The following NR6A1 variants were observed in gnomAD, a reference collection of about 807,000 sequenced individuals.
NR6A1 encodes nuclear receptor subfamily 6 group A member 1.
NR6A1 carries 7 observed loss-of-function variants against 59.1 expected under a neutral mutation model. That is an observed-to-expected ratio of 0.12 (90% CI 0.07 to 0.22). The LOEUF (loss-of-function observed/expected upper bound fraction) is 0.22. Among genes scored for constraint, NR6A1 ranks in the 10% least tolerant of loss-of-function variants. The pLI is 1.00. For missense variants in NR6A1, 468 were observed against 611.6 expected (o/e 0.77, Z 2.48); for synonymous variants, 243 against 236.1 (o/e 1.03, Z -0.27).
At chr9:124,756,801 G>A (rs968600087) in intron 1 of NR6A1, among the ~76,000 whole-genome samples, 8 of 152,100 alleles carry the variant, frequency 5.3e-5, no homozygotes, top group Admixed American at 4.6e-4. Flanking sequence ...GAAGACACAC[G>A]CACATCAACT....
chr9:124,522,960 A>C (rs1832834920), intron 9 of NR6A1, among the ~76,000 whole-genome samples, 167 bp from the exon 10 acceptor site: 1 of 152,150 alleles, frequency 6.6e-6, no homozygotes, highest in African/African-American at 2.4e-5. Flanking sequence ...ACATCCTAAC[A>C]TCCAGACCCC....
chr9:124,596,576 AC>A (rs1433096803), intron 2 of NR6A1, among the ~76,000 whole-genome samples: 1 of 152,072 alleles, frequency 6.6e-6, no homozygotes, highest in Non-Finnish European at 1.5e-5. Flanking sequence ...TAATTTCACC[AC>A]CCCCAATCCT....
In NR6A1 at chr9:124,521,825, G is replaced by A. The variant is rs1208638463; in HGVS notation, c.*880C>T. The stretch of plus-strand genomic sequence containing the variant: ...AAATGTGTAAGGGAGTGGGAAGGAG[G>A]AAGGTGGGCCTCAGGAGATCCAGGT... On this transcript the variant is annotated 3_prime_UTR_variant, in exon 10 of 10. Transcript: ENST00000487099. 1.3e-5 allele frequency: 2 copies of A among 152,304 alleles called. No homozygotes were observed. Among genetic ancestry groups the A allele is most frequent in the Non-Finnish European group, 2.9e-5 (2 of 68,110 alleles). 9.4% of individuals were successfully genotyped at this position (152,304 alleles called of 1,614,324 possible).
chr9:124,710,132 A>C (rs1839233250), intron 2 of NR6A1, among the ~76,000 whole-genome samples: 1 of 152,148 alleles, frequency 6.6e-6, no homozygotes, highest in Admixed American at 6.5e-5. Context: ...CATCTTAGTT[A>C]TGCTGGACAA....
At chr9:124,618,899 G>T (rs1285117734) in intron 2 of NR6A1, among the ~76,000 whole-genome samples, 2 of 152,320 alleles carry the variant, frequency 1.3e-5, no homozygotes, top group East Asian at 3.9e-4. Context: ...TGGTAGGAGA[G>T]TAGGGGTGGG....
intron 1 of NR6A1, among the ~76,000 whole-genome samples, chr9:124,764,098 C>T (rs1244030744): frequency 4.0e-5 from 6 of 151,590 alleles, no homozygotes; most frequent in South Asian, 2.1e-4. Flanking sequence ...GCAGGAGAAT[C>T]GCTTGAACCC....
At chr9:124,736,646 C>T (rs1840027749) in intron 1 of NR6A1, among the ~76,000 whole-genome samples, 1 of 151,998 alleles carries the variant, frequency 6.6e-6, no homozygotes, top group Admixed American at 6.5e-5. Context: ...GAGTCGGAGA[C>T]CAGCCTGGGC....
At chr9:124,595,697 C>T in intron 2 of NR6A1, 3 of 992,520 alleles carry the variant, frequency 3.0e-6, no homozygotes, top group Non-Finnish European at 4.2e-6. Context: ...TTGCTCTAAA[C>T]CTTCAAAGAA....
chr9:124,693,497 G>T (rs1471135561), intron 2 of NR6A1, among the ~76,000 whole-genome samples: 1 of 152,182 alleles, frequency 6.6e-6, no homozygotes, highest in Non-Finnish European at 1.5e-5. Context: ...GGTTCTCCAA[G>T]CACTCCTTCC....
At chr9:124,756,773 G>A (rs377591305) in intron 1 of NR6A1, among the ~76,000 whole-genome samples, 8 of 152,300 alleles carry the variant, frequency 5.3e-5, no homozygotes, top group African/African-American at 1.9e-4. Context: ...GACTGTGGGA[G>A]ATGATATAAT....
rs1832767268 is a variant in NR6A1, at chr9:124,520,008, A to G, written c.*2697T>C. The G allele has an allele frequency of 1.3e-5, 2 of 151,938 alleles. No homozygotes were observed. Among genetic ancestry groups the G allele is most frequent in the South Asian group, 4.2e-4 (2 of 4,814 alleles). 9.4% of individuals were successfully genotyped at this position (151,938 alleles called of 1,614,324 possible). On this transcript the variant is annotated 3_prime_UTR_variant, in exon 10 of 10. Coordinates refer to ENST00000487099, the MANE Select transcript of NR6A1 (RefSeq NM_033334.4). ...AAGAGAAATTAGAGAAAACATGCAC[A>G]ACTTTTCTCTCCTTCCACTCGCAAA...
At position 124,747,326 on chromosome 9, in the gene NR6A1, C is replaced by G. The variant is rs976801303; in HGVS notation, c.101-13977G>C. Among the ~76,000 whole-genome samples the G allele has an allele frequency of 6.6e-5, 10 of 151,992 alleles. No individual in the cohort carries two copies. The East Asian group carries it at 1.7e-3, about 27-fold the overall frequency. On this transcript the variant is annotated intron_variant, in intron 1 of 9. Coordinates refer to ENST00000487099, the MANE Select transcript of NR6A1 (RefSeq NM_033334.4). ...CAACCCGCCTCAGCCTCTCGAGTAG[C>G]TGGGACTACAATCATGTGCCACCAC...
At chr9:124,741,065 T>C (rs935893478) in intron 1 of NR6A1, among the ~76,000 whole-genome samples, 1 of 152,212 alleles carries the variant, frequency 6.6e-6, no homozygotes, top group Admixed American at 6.5e-5. Flanking sequence ...TAGAAATTTC[T>C]ACAATGACGA....
At chr9:124,752,741 A>G (rs552677240) in intron 1 of NR6A1, among the ~76,000 whole-genome samples, 2 of 152,296 alleles carry the variant, frequency 1.3e-5, no homozygotes, top group Admixed American at 1.3e-4. Flanking sequence ...AAATTCACTA[A>G]GCACTAAGAA....
At chr9:124,626,753 G>A (rs1347566515) in intron 2 of NR6A1, among the ~76,000 whole-genome samples, 1 of 152,052 alleles carries the variant, frequency 6.6e-6, no homozygotes. Context: ...GGCCAAGATG[G>A]TGAAACCCCG....
intron 2 of NR6A1, among the ~76,000 whole-genome samples, chr9:124,561,889 G>T (rs1450119804): frequency 6.6e-6 from 1 of 152,182 alleles, no homozygotes; most frequent in Non-Finnish European, 1.5e-5. Flanking sequence ...TCCAGCCTGG[G>T]TGACAGAGTG....
At chr9:124,669,785 T>G (rs186677408) in intron 2 of NR6A1, among the ~76,000 whole-genome samples, 1,570 of 152,212 alleles carry the variant, frequency 0.01, 26 homozygotes, top group African/African-American at 0.036. Context: ...TTAGTAGAGA[T>G]GGGGTTTCAC....
chr9:124,571,538 C>T (rs959358479), intron 2 of NR6A1, among the ~76,000 whole-genome samples: 2 of 152,170 alleles, frequency 1.3e-5, no homozygotes, highest in African/African-American at 2.4e-5. Context: ...CAGATAATGG[C>T]CACTGCTGAC....
At chr9:124,721,347 T>C (rs1839557370) in intron 2 of NR6A1, among the ~76,000 whole-genome samples, 1 of 152,124 alleles carries the variant, frequency 6.6e-6, no homozygotes, top group South Asian at 2.1e-4. Context: ...CTGGATCTCA[T>C]ACCACCCCTA....
Sources: gnomAD v4.1 joint callset for allele counts (sites outside exome capture counted in the v4.1 genomes callset) on GRCh38, gnomAD v4.1.1 for gene constraint, MANE v1.5 for transcripts, NCBI Gene and HGNC (gene_info 2026-07-23, HGNC 2026-07-21) for gene names.